KIF1C: variants seen among roughly 807,000 people sequenced by gnomAD.
The protein encoded by KIF1C is kinesin family member 1C, also known as kinesin-like protein KIF1C.
In KIF1C, 61 loss-of-function variants were observed where a neutral mutation model predicts 126.5. The ratio of observed to expected loss-of-function variants is 0.48; its 90% CI spans 0.39 to 0.60. KIF1C has a LOEUF of 0.60. Among genes scored for constraint, KIF1C ranks in the 20% least tolerant of loss-of-function variants. KIF1C has a pLI of 0.00. For synonymous variants in KIF1C, 640 were observed against 580.6 expected, an observed-to-expected ratio of 1.10 and a Z score of -1.47; for missense variants, 1,315 against 1,489.2, an observed-to-expected ratio of 0.88 and a Z score of 1.93.
chr17:5,022,665 C>T lies in KIF1C; in HGVS notation c.2584C>T (p.Arg862Trp), dbSNP rs764833076. 30 of 1,591,576 alleles carry T rather than the reference C, an allele frequency of 1.9e-5. No individual in the cohort carries two copies. The highest frequency in any genetic ancestry group is 1.7e-4 in the Middle Eastern group (1 of 5,976). ...CAAGGACCGGGAGCTGCAGGCCCTG[C>T]GGGACCGCATGCTCCGCATGGAGAG... ...SSKDRELQAL[R>W]DRMLRMERVI... The change falls in exon 22 of 23, where the codon CGG (arginine) becomes TGG (tryptophan). Residue 862 changes from arginine (R) to tryptophan (W), a missense_variant. Transcript: ENST00000320785. The surrounding 1 kb of genome is among the most constrained non-coding windows in gnomAD (Gnocchi z 4.9).
rs201325535 is a variant in KIF1C at position 5,023,833 on chromosome 17, G to A, written c.2994G>A (p.Glu998=). The A allele has an allele frequency of 6.6e-7, 1 of 1,518,104 alleles. No homozygotes were observed. Among genetic ancestry groups the A allele is most frequent in the East Asian group, 2.3e-5 (1 of 43,886 alleles). 94.0% of individuals were successfully genotyped at this position (1,518,104 alleles called of 1,614,324 possible). The change falls in exon 23 of 23, where the codon GAG becomes GAA. Residue 998 remains glutamate, a synonymous_variant. Transcript: ENST00000320785. The surrounding 1 kb of genome is among the most constrained non-coding windows in gnomAD (Gnocchi z 4.2). ...CTTGGCCAGGGATGGGGAGCGGGGA[G>A]GCTCCAACTCCGCTCCAACCCCCTG... The part of the protein sequence containing the change: ...RESWPGMGSG[E]APTPLQPPEE...
chr17:5,000,766 C>G lies in KIF1C; in HGVS notation c.107-6C>G, dbSNP rs765169904. 6.2e-7 allele frequency: 1 copy of G among 1,613,796 alleles called. No individual in the cohort carries two copies. The highest frequency in any genetic ancestry group is 1.1e-5 in the South Asian group (1 of 91,080). On this transcript the variant is annotated splice_polypyrimidine_tract_variant and splice_region_variant and intron_variant, in intron 3 of 22. Coordinates refer to ENST00000320785, the MANE Select transcript of KIF1C (RefSeq NM_006612.6). Reference sequence around the variant, plus strand: ...TTTCCTTCCTTTACCCTCTCCTGCCCCTCAGCCATCATCAATCCTAAACAG... The same window carrying G: ...TTTCCTTCCTTTACCCTCTCCTGCCGCTCAGCCATCATCAATCCTAAACAG...
chr17:5,003,927 G>T lies in KIF1C; in HGVS notation c.864+11G>T. 1 of 1,613,284 alleles carries T rather than the reference G, an allele frequency of 6.2e-7. No individual in the cohort carries two copies. The highest frequency in any genetic ancestry group is 8.5e-7 in the Non-Finnish European group (1 of 1,179,282). The stretch of plus-strand genomic sequence containing the variant: ...GCCCTTGCAGATATGGTGAGACCTG[G>T]GTGTTGGAAAGAAGGGGCTTGGGAA... On this transcript the variant is annotated intron_variant, in intron 10 of 22. Transcript: ENST00000320785.
Position 5,024,142 on chromosome 17 carries a change from A to T in KIF1C, c.3303A>T (p.Ala1101=). ...RSAPDLKESG[A]AV ...CCCCTGACCTCAAGGAGAGTGGGGC[A>T]GCTGTGTGAGTCCCACATCCTGGGC... The change falls in exon 23 of 23, where the codon GCA becomes GCT. Residue 1101 remains alanine (A), a synonymous_variant. Coordinates refer to ENST00000320785, the MANE Select transcript of KIF1C (RefSeq NM_006612.6). 1 of 1,607,658 alleles carries T rather than the reference A, an allele frequency of 6.2e-7. No individual in the cohort carries two copies. Among genetic ancestry groups the T allele is most frequent in the Non-Finnish European group, 8.5e-7 (1 of 1,177,038 alleles).
chr17:5,020,761 A>G lies in KIF1C; in HGVS notation c.1938-45A>G, dbSNP rs1314991065. ...TGGGCCCGTGTCCTCCTCTTGTCAG[A>G]TACTCACCAAGGTTGCTCTTCCTTC... On this transcript the variant is annotated intron_variant, in intron 20 of 22. Coordinates refer to ENST00000320785, the MANE Select transcript of KIF1C (RefSeq NM_006612.6). This position sits in a 1 kb window ranked among gnomAD's most constrained non-coding sequence, Gnocchi z 5.8. The G allele has an allele frequency of 1.2e-6, 2 of 1,601,100 alleles. No homozygotes were observed. The highest frequency in any genetic ancestry group is 2.7e-5 in the African/African-American group (2 of 74,746).
chr17:5,007,038 A>T lies in KIF1C; in HGVS notation c.1289A>T (p.Asn430Ile). ...NGELEPSFSP[N>I]TESQIGPEEA... Reference sequence around the variant, plus strand: ...GAGCTGGAGCCGTCATTCTCCCCCAACACGGAGTCCCAGATTGGGCCTGAG... The same window carrying T: ...GAGCTGGAGCCGTCATTCTCCCCCATCACGGAGTCCCAGATTGGGCCTGAG... Residue 430 changes from asparagine (N) to isoleucine (I), a missense_variant, in exon 14 of 23, where the codon AAC becomes ATC. This residue lies in a region of KIF1C where 874 missense variants were observed against 1,053.2 expected (regional missense o/e 0.83). Coordinates refer to ENST00000320785, the MANE Select transcript of KIF1C (RefSeq NM_006612.6). 1 of 1,607,212 alleles carries T rather than the reference A, an allele frequency of 6.2e-7. No homozygotes were observed. Among genetic ancestry groups the T allele is most frequent in the Non-Finnish European group, 8.5e-7 (1 of 1,178,110 alleles).
At chr17:5,016,928 C>T (rs998441581) in intron 18 of KIF1C, among the ~76,000 whole-genome samples, 1 of 151,790 alleles carries the variant, frequency 6.6e-6, no homozygotes, top group African/African-American at 2.4e-5. Flanking sequence ...AAAGACATGC[C>T]TCTTCGGTTT....
At chr17:5,014,899 C>A in intron 18 of KIF1C, 62 bp downstream of exon 18, 1 of 1,363,766 alleles carries the variant, frequency 7.3e-7, no homozygotes, top group Non-Finnish European at 1.0e-6. Context: ...CCACCCCACA[C>A]ACTGAACTCA....
In KIF1C at chr17:5,023,763, G is replaced by A. The variant is rs1184702686; in HGVS notation, c.2924G>A (p.Cys975Tyr). The change falls in exon 23 of 23, where the codon TGC becomes TAC. Residue 975 changes from cysteine (C) to tyrosine (Y), a missense_variant. By Grantham distance (194) the Cys-to-Tyr change is radical (BLOSUM62 -2). This residue lies in a region of KIF1C where 441 missense variants were observed against 436.1 expected (regional missense o/e 1.01). Transcript: ENST00000320785. The surrounding 1 kb of genome is among the most constrained non-coding windows in gnomAD (Gnocchi z 4.2). Reference protein sequence around the residue: ...PPARFVPPHDCKLRFPFKSNP... With the variant: ...PPARFVPPHDYKLRFPFKSNP... ...GCCCGCTTTGTGCCCCCTCACGACT[G>A]CAAGCTACGCTTCCCCTTCAAGAGC... The A allele has an allele frequency of 2.0e-6, 3 of 1,522,832 alleles. No homozygotes were observed. The highest frequency in any genetic ancestry group is 1.3e-5 in the South Asian group (1 of 75,800). 94.3% of individuals were successfully genotyped at this position (1,522,832 alleles called of 1,614,324 possible).
At chr17:5,008,364 A>G (rs370569953) in intron 16 of KIF1C, among the ~76,000 whole-genome samples, 3 of 133,206 alleles carry the variant, frequency 2.3e-5, no homozygotes, top group Non-Finnish European at 5.1e-5. Flanking sequence ...TGCAGAGGCC[A>G]GTATACCAGT....
Position 5,022,704 on chromosome 17 carries a change from G to A in KIF1C, c.2623G>A (p.Ala875Thr), listed in dbSNP as rs770017269. 1.3e-6 allele frequency: 2 copies of A among 1,539,090 alleles called. No individual in the cohort carries two copies. Among genetic ancestry groups the A allele is most frequent in the Non-Finnish European group, 1.7e-6 (2 of 1,144,766 alleles). ...CCGCATGGAGAGGGTCATCCCCCTG[G>A]CCCAGGTAGGACTGGCCTTCTGCCT... ...MLRMERVIPL[A>T]QDHEDENEEG... The change falls in exon 22 of 23, where the codon GCC becomes ACC. Residue 875 changes from alanine (A) to threonine (T), a missense_variant. Physicochemically the swap from Ala to Thr is moderately conservative, Grantham distance 58. Transcript: ENST00000320785. This position sits in a 1 kb window ranked among gnomAD's most constrained non-coding sequence, Gnocchi z 4.9.
intron 17 of KIF1C, 73 bp from the exon 18 acceptor site, chr17:5,014,670 A>G: frequency 9.3e-7 from 1 of 1,076,318 alleles, no homozygotes; most frequent in Non-Finnish European, 1.4e-6. Context: ...ATTGAGTTGG[A>G]TAAACTGGTG....
At chr17:5,015,889 C>T (rs1403428710) in intron 18 of KIF1C, among the ~76,000 whole-genome samples, 3 of 152,196 alleles carry the variant, frequency 2.0e-5, no homozygotes, top group East Asian at 3.9e-4. Flanking sequence ...AGCCACTGCA[C>T]CTGCTGAGGT....
In KIF1C at chr17:5,000,314, A is replaced by T. The variant is rs757956577; in HGVS notation, c.68A>T (p.Asp23Val). Residue 23 changes from aspartate (D) to valine (V), a missense_variant, in exon 3 of 23, where the codon GAT becomes GTT. Asp to Val is a radical substitution (Grantham distance 152, BLOSUM62 -3). This residue lies in a region of KIF1C where 874 missense variants were observed against 1,053.2 expected (regional missense o/e 0.83). Transcript: ENST00000320785. Reference sequence around the variant, plus strand: ...TTTAACGCCCGTGAGACCAGCCAGGATGCCAAGTGTGTGGTCAGCATGCAG... The same window carrying T: ...TTTAACGCCCGTGAGACCAGCCAGGTTGCCAAGTGTGTGGTCAGCATGCAG... The part of the protein sequence containing the change: ...RPFNARETSQ[D>V]AKCVVSMQGN... 9 of 1,594,380 alleles carry T rather than the reference A, an allele frequency of 5.6e-6. 1 individual carries two copies. In the South Asian group the frequency reaches 1.0e-4, roughly 18 times the overall value.
rs1975186849 is a variant in KIF1C at position 5,025,096 on chromosome 17, CCTG to C, written c.*946_*948del. ...ATATTGGCCAGGCTGGTCTCGAACT[CCTG>C]ATGACCTCAAGTGATCCGCCCACCT... is the stretch of plus-strand genomic sequence containing the variant. On this transcript the variant is annotated 3_prime_UTR_variant, in exon 23 of 23. Transcript: ENST00000320785. The C allele has an allele frequency of 6.6e-6, 1 of 152,114 alleles. No homozygotes were observed. Among genetic ancestry groups the C allele is most frequent in the Non-Finnish European group, 1.5e-5 (1 of 68,016 alleles). The allele number at this position is 152,114 out of a possible 1,614,324, so 9.4% of individuals were successfully genotyped here. A position where few individuals can be genotyped will look rare whatever the true frequency, so the allele number is the denominator to read the frequency against.
chr17:5,002,133 G>C lies in KIF1C; in HGVS notation c.429+9G>C, dbSNP rs537336475. 3 of 1,613,212 alleles carry C rather than the reference G, an allele frequency of 1.9e-6. No homozygotes were observed. The highest frequency in any genetic ancestry group is 2.5e-6 in the Non-Finnish European group (3 of 1,179,286). ...TATCCTACTCTGTGGAGGTAAGCCC[G>C]GGTCTTGGTGGCAGGGCTGAGAGGG... On this transcript the variant is annotated intron_variant, in intron 6 of 22. Transcript: ENST00000320785.
At chr17:5,008,592 A>G (rs556494792) in intron 16 of KIF1C, among the ~76,000 whole-genome samples, 16 of 152,346 alleles carry the variant, frequency 1.1e-4, no homozygotes, top group Admixed American at 2.0e-4. Flanking sequence ...AGTCAGGTCC[A>G]TCTGGGGGAC....
Position 5,004,561 on chromosome 17 carries a change from T to C in KIF1C, c.941-6T>C. ...GCTGAAGCTTTTCCATGCACTCCAT[T>C]CACAGGGGGGAACTCACGCACAGCC... On this transcript the variant is annotated splice_region_variant and splice_polypyrimidine_tract_variant and intron_variant, in intron 11 of 22. Transcript: ENST00000320785. The C allele has an allele frequency of 6.2e-7, 1 of 1,613,974 alleles. No homozygotes were observed. The highest frequency in any genetic ancestry group is 2.2e-5 in the East Asian group (1 of 44,876).
At chr17:5,011,058 G>T (rs1974855341) in intron 16 of KIF1C, among the ~76,000 whole-genome samples, 2 of 152,102 alleles carry the variant, frequency 1.3e-5, no homozygotes, top group African/African-American at 4.8e-5. Flanking sequence ...CCACATTCTG[G>T]CTTAGTAAGA....
Sources: gnomAD v4.1 joint callset for allele counts (sites outside exome capture counted in the v4.1 genomes callset) on GRCh38, gnomAD v4.1.1 for gene constraint, gnomAD v4.1.1 regional missense constraint, Gnocchi (gnomAD v3.1) non-coding constraint, MANE v1.5 for transcripts, NCBI Gene and HGNC (gene_info 2026-07-23, HGNC 2026-07-21) for gene names.